The following SGCZ variants were observed in gnomAD, a reference collection of about 807,000 sequenced individuals.
SGCZ encodes the protein sarcoglycan zeta, also known as zeta-sarcoglycan.
SGCZ carries 40 observed loss-of-function variants against 41.3 expected under a neutral mutation model. The observed-to-expected ratio is 0.97, with a 90% CI of 0.75 to 1.26. SGCZ has a LOEUF of 1.26. Among genes scored for constraint, SGCZ ranks in the 50% most tolerant of loss-of-function variants. SGCZ has a pLI of 0.00. For missense variants in SGCZ, 552 were observed against 369.8 expected (o/e 1.49, Z -4.04); for synonymous variants, 206 against 137.5 (o/e 1.50, Z -3.49).
chr8:14,457,029 G>A (rs1271147669), intron 2 of SGCZ, among the ~76,000 whole-genome samples: 1 of 152,122 alleles, frequency 6.6e-6, no homozygotes, highest in Admixed American at 6.6e-5. Flanking sequence ...AGCCACCCAG[G>A]CACCGAGGCA....
intron 2 of SGCZ, among the ~76,000 whole-genome samples, chr8:14,388,604 T>G (rs1804654953): frequency 6.6e-6 from 1 of 151,942 alleles, no homozygotes; most frequent in Non-Finnish European, 1.5e-5. Context: ...GAAAAATAAA[T>G]GTTGAAACCA....
intron 1 of SGCZ, among the ~76,000 whole-genome samples, chr8:14,720,230 G>T (rs1442832199): frequency 6.6e-6 from 1 of 151,838 alleles, no homozygotes; most frequent in African/African-American, 2.4e-5. Context: ...AATAAAAGGT[G>T]ATCACAAGAA....
At chr8:14,262,650 T>A (rs958439691) in intron 3 of SGCZ, among the ~76,000 whole-genome samples, 1 of 151,818 alleles carries the variant, frequency 6.6e-6, no homozygotes, top group African/African-American at 2.4e-5. Context: ...ATATTTAGAC[T>A]TTTCTCTTTT....
intron 2 of SGCZ, among the ~76,000 whole-genome samples, chr8:14,464,399 A>C (rs939890873): frequency 1.3e-5 from 2 of 150,980 alleles, no homozygotes; most frequent in Admixed American, 6.6e-5. Context: ...TCACAGTTGC[A>C]TGTAGGACTC....
chr8:14,400,477 G>C (rs1438763632), intron 2 of SGCZ, among the ~76,000 whole-genome samples: 2 of 152,060 alleles, frequency 1.3e-5, no homozygotes, highest in Non-Finnish European at 2.9e-5. Context: ...GTGGATAGAT[G>C]TTTGCATTTC....
At chr8:14,868,798 G>C (rs558368855) in intron 1 of SGCZ, among the ~76,000 whole-genome samples, 19 of 152,092 alleles carry the variant, frequency 1.2e-4, no homozygotes, top group Middle Eastern at 6.8e-3. Context: ...CCATCAGAGA[G>C]TACTGCAAAC....
At chr8:15,028,530 T>G (rs969129450) in intron 1 of SGCZ, among the ~76,000 whole-genome samples, 1 of 151,992 alleles carries the variant, frequency 6.6e-6, no homozygotes, top group Non-Finnish European at 1.5e-5. Flanking sequence ...GAAGTCAGTT[T>G]CATAAGGAAC....
At chr8:14,153,979 C>G (rs1803797976) in intron 5 of SGCZ, among the ~76,000 whole-genome samples, 1 of 151,498 alleles carries the variant, frequency 6.6e-6, no homozygotes, top group Non-Finnish European at 1.5e-5. Flanking sequence ...GAAGACACAG[C>G]AACAAGGCAG....
At chr8:14,784,581 T>C (rs7828762) in intron 1 of SGCZ, among the ~76,000 whole-genome samples, 67 of 151,982 alleles carry the variant, frequency 4.4e-4, no homozygotes, top group African/African-American at 6.0e-4. Flanking sequence ...TGAAACTCCT[T>C]AGACAAGGAG....
chr8:14,265,534 T>C (rs1259597694), intron 3 of SGCZ, among the ~76,000 whole-genome samples: 1 of 152,124 alleles, frequency 6.6e-6, no homozygotes, highest in Non-Finnish European at 1.5e-5. Context: ...GTTAGCTCTG[T>C]TTAGAAACAG....
chr8:14,113,336 G>T (rs1333557710), intron 5 of SGCZ, among the ~76,000 whole-genome samples: 1 of 151,832 alleles, frequency 6.6e-6, no homozygotes, highest in East Asian at 1.9e-4. Context: ...CATATTTAGG[G>T]TTTACTGCCT....
intron 1 of SGCZ, among the ~76,000 whole-genome samples, chr8:14,937,601 G>T (rs946994591): frequency 6.6e-6 from 1 of 151,914 alleles, no homozygotes; most frequent in African/African-American, 2.4e-5. Context: ...ACATATATAC[G>T]TACGCATATA....
chr8:14,260,237 A>G, intron 3 of SGCZ, among the ~76,000 whole-genome samples: 2 of 152,084 alleles, frequency 1.3e-5, no homozygotes, highest in East Asian at 3.9e-4. Context: ...AATGAACTCA[A>G]ACAAATTTAC....
At chr8:14,339,089 C>G (rs1802607568) in intron 2 of SGCZ, among the ~76,000 whole-genome samples, 1 of 145,588 alleles carries the variant, frequency 6.9e-6, no homozygotes. Flanking sequence ...ACAACTATAA[C>G]ATATTATGTT....
chr8:15,004,616 G>C (rs7814519), intron 1 of SGCZ, among the ~76,000 whole-genome samples: 77,211 of 151,942 alleles, frequency 0.51, 19,903 homozygotes, highest in South Asian at 0.54. Flanking sequence ...ACCGTTTCTC[G>C]CTATATAAAC....
chr8:14,416,655 G>T (rs952579456), intron 2 of SGCZ, among the ~76,000 whole-genome samples: 5 of 151,786 alleles, frequency 3.3e-5, no homozygotes, highest in African/African-American at 1.2e-4. Context: ...TCCTTACTTG[G>T]ATTCAGAAAT....
At chr8:14,671,791 C>T (rs1194150029) in intron 1 of SGCZ, among the ~76,000 whole-genome samples, 4 of 151,972 alleles carry the variant, frequency 2.6e-5, no homozygotes, top group Admixed American at 2.6e-4. Flanking sequence ...ACAATTTTTT[C>T]CAAAGATATA....
At chr8:14,278,558 G>A (rs1800312742) in intron 3 of SGCZ, among the ~76,000 whole-genome samples, 1 of 151,984 alleles carries the variant, frequency 6.6e-6, no homozygotes, top group Admixed American at 6.6e-5. Context: ...ATTTCACGTT[G>A]AAAAATAGTA....
At chr8:14,838,234 G>A (rs765452505) in intron 1 of SGCZ, among the ~76,000 whole-genome samples, 17 of 152,052 alleles carry the variant, frequency 1.1e-4, no homozygotes, top group Non-Finnish European at 2.9e-5. Context: ...GAATGAATAG[G>A]GGCTAGTGTT....
Sources: gnomAD v4.1 joint callset for allele counts (sites outside exome capture counted in the v4.1 genomes callset) on GRCh38, gnomAD v4.1.1 for gene constraint, MANE v1.5 for transcripts, NCBI Gene and HGNC (gene_info 2026-07-23, HGNC 2026-07-21) for gene names.